Variants in PTPRM observed in about 807,000 individuals in gnomAD.
The protein encoded by PTPRM is protein tyrosine phosphatase receptor type M, also known as receptor-type tyrosine-protein phosphatase mu.
In PTPRM, 47 loss-of-function variants were observed where a neutral mutation model predicts 186.7. The observed-to-expected ratio is 0.25, with a 90% CI of 0.20 to 0.32. PTPRM has a LOEUF of 0.32. Ranked by LOEUF, PTPRM falls within the 10% of genes least tolerant of loss-of-function variation. The pLI is 1.00. For missense variants in PTPRM, 1,494 were observed against 1,865.0 expected (o/e 0.80, Z 3.66); for synonymous variants, 668 against 674.9 (o/e 0.99, Z 0.16).
intron 7 of PTPRM, among the ~76,000 whole-genome samples, chr18:7,991,332 A>T (rs760192439): frequency 1.3e-5 from 2 of 152,152 alleles, no homozygotes; most frequent in African/African-American, 2.4e-5. Flanking sequence ...CTTACCAGTA[A>T]TGTCAATGGA....
chr18:7,618,898 T>G (rs2143946623), intron 1 of PTPRM, among the ~76,000 whole-genome samples: 1 of 152,344 alleles, frequency 6.6e-6, no homozygotes, highest in African/African-American at 2.4e-5. Context: ...AATGAAGGCA[T>G]ATGTTTACCT....
chr18:7,815,641 C>G (rs923607992), intron 2 of PTPRM: 1 of 151,988 alleles, frequency 6.6e-6, no homozygotes, highest in Non-Finnish European at 1.5e-5. Flanking sequence ...AATGAGCATG[C>G]CTGTGAATAG....
At chr18:8,300,054 G>A (rs867742208) in intron 20 of PTPRM, among the ~76,000 whole-genome samples, 2 of 152,178 alleles carry the variant, frequency 1.3e-5, no homozygotes, top group South Asian at 2.1e-4. Context: ...TGTTGTCAGA[G>A]GCGGGATGGG....
At chr18:8,150,975 G>A (rs2092992814) in intron 14 of PTPRM, among the ~76,000 whole-genome samples, 1 of 152,142 alleles carries the variant, frequency 6.6e-6, no homozygotes, top group Non-Finnish European at 1.5e-5. Context: ...GACCAGCAAA[G>A]ATTGCTGCCT....
chr18:8,385,163 A>G (rs113032563), intron 30 of PTPRM, among the ~76,000 whole-genome samples: 1 of 152,204 alleles, frequency 6.6e-6, no homozygotes, highest in African/African-American at 2.4e-5. Context: ...TCAGATATCA[A>G]ACATGGTCAG....
At position 7,749,961 on chromosome 18, in the gene PTPRM, C is replaced by T. The variant is rs181419269; in HGVS notation, c.74-24188C>T. Among the ~76,000 whole-genome samples, 433 of 152,324 alleles carry T rather than the reference C, an allele frequency of 2.8e-3. 1 individual carries two copies. The highest frequency in any genetic ancestry group is 4.6e-3 in the Non-Finnish European group (316 of 68,032). ...GCAAATGGCTTAAGAGGCCTGCTGT[C>T]TACCATTATAATGACACATAACGTT... On this transcript the variant is annotated intron_variant, in intron 1 of 32. Transcript: ENST00000580170.
chr18:8,196,769 C>G (rs537047553), intron 14 of PTPRM, among the ~76,000 whole-genome samples: 2 of 152,328 alleles, frequency 1.3e-5, no homozygotes, highest in South Asian at 2.1e-4. Flanking sequence ...ATGTTCCTTA[C>G]TTCCCTTGTT....
At chr18:7,748,001 C>T (rs2041036291) in intron 1 of PTPRM, among the ~76,000 whole-genome samples, 1 of 152,196 alleles carries the variant, frequency 6.6e-6, no homozygotes, top group African/African-American at 2.4e-5. Flanking sequence ...AGAGGCTGCA[C>T]TACCCTCTTC....
chr18:8,342,113 A>G (rs1055182836), intron 22 of PTPRM, among the ~76,000 whole-genome samples: 9 of 152,210 alleles, frequency 5.9e-5, no homozygotes, highest in African/African-American at 2.2e-4. Flanking sequence ...AGGCCTGGAC[A>G]GGGAGGAAGG....
At chr18:7,996,902 A>G (rs987219989) in intron 7 of PTPRM, among the ~76,000 whole-genome samples, 2 of 152,150 alleles carry the variant, frequency 1.3e-5, no homozygotes, top group Admixed American at 6.6e-5. Flanking sequence ...CCAAAAATGA[A>G]AAGATATTAC....
intron 1 of PTPRM, among the ~76,000 whole-genome samples, chr18:7,588,397 T>G (rs1008414741): frequency 6.6e-6 from 1 of 152,172 alleles, no homozygotes; most frequent in Non-Finnish European, 1.5e-5. Context: ...TACTAACTTA[T>G]GAGGATTGAC....
Position 8,085,702 on chromosome 18 carries a change from C to T in PTPRM, c.1583C>T (p.Pro528Leu). 6.2e-7 allele frequency: 1 copy of T among 1,610,358 alleles called. No homozygotes were observed. The highest frequency in any genetic ancestry group is 1.3e-5 in the African/African-American group (1 of 74,906). The stretch of plus-strand genomic sequence containing the variant: ...TACAAAGCAGTCAGTTCCTTTGACC[C>T]AGAAATAGATTTATCCAATCAGAGT... ...ITYKAVSSFDPEIDLSNQSGR... is the reference protein window; with the variant it reads ...ITYKAVSSFDLEIDLSNQSGR... The change falls in exon 10 of 33, where the codon CCA becomes CTA. Residue 528 changes from proline (P) to leucine (L), a missense_variant. Pro to Leu is a moderately conservative substitution (Grantham distance 98, BLOSUM62 -3). Around this residue, in one of 3 missense-constraint regions of PTPRM, gnomAD observed 1,107 missense variants for 1,350.2 expected, o/e 0.82. Transcript: ENST00000580170.
chr18:7,837,217 T>G (rs1237624747), intron 2 of PTPRM, among the ~76,000 whole-genome samples: 2 of 152,164 alleles, frequency 1.3e-5, no homozygotes, highest in Non-Finnish European at 2.9e-5. Context: ...TTCTTTTGTT[T>G]CCTCTGACTG....
At chr18:7,983,363 A>G (rs2082662018) in intron 7 of PTPRM, among the ~76,000 whole-genome samples, 1 of 152,110 alleles carries the variant, frequency 6.6e-6, no homozygotes, top group Non-Finnish European at 1.5e-5. Flanking sequence ...CAACCTGGTT[A>G]GTGGGAAAAT....
At chr18:7,709,744 C>T (rs2040172270) in intron 1 of PTPRM, among the ~76,000 whole-genome samples, 1 of 151,980 alleles carries the variant, frequency 6.6e-6, no homozygotes, top group Non-Finnish European at 1.5e-5. Context: ...CACAGAAATG[C>T]AAAAGATCAT....
rs375891116 is a variant in PTPRM at position 7,958,121 on chromosome 18, G to C, written c.1132+2707G>C. Among the ~76,000 whole-genome samples the C allele has an allele frequency of 2.0e-5, 3 of 150,572 alleles. No homozygotes were observed. In the East Asian group the frequency reaches 5.9e-4, roughly 29 times the overall value. On this transcript the variant is annotated intron_variant, in intron 7 of 32. Transcript: ENST00000580170. Reference sequence around the variant, plus strand: ...GCAATATGTATGAAGAAGAGATTGAGGATTTGGCTTCAATGCAAATGAATC... The same window carrying C: ...GCAATATGTATGAAGAAGAGATTGACGATTTGGCTTCAATGCAAATGAATC...
intron 23 of PTPRM, among the ~76,000 whole-genome samples, chr18:8,354,114 G>A (rs2095550672): frequency 6.6e-6 from 1 of 152,202 alleles, no homozygotes; most frequent in South Asian, 2.1e-4. Flanking sequence ...TTGGGAGGCT[G>A]AGGCAGGAGA....
chr18:7,654,571 G>A (rs1181525877), intron 1 of PTPRM, among the ~76,000 whole-genome samples: 2 of 152,016 alleles, frequency 1.3e-5, no homozygotes, highest in Non-Finnish European at 2.9e-5. Flanking sequence ...GTCTTCCAGG[G>A]TTTTTATAGT....
At chr18:8,336,709 T>C (rs912627803) in intron 22 of PTPRM, among the ~76,000 whole-genome samples, 9 of 93,596 alleles carry the variant, frequency 9.6e-5, no homozygotes, top group African/African-American at 3.7e-4. Context: ...AAGGGAAAGG[T>C]AGGGTCACAC....
Sources: allele counts gnomAD v4.1 joint callset (sites outside exome capture counted in the v4.1 genomes callset), GRCh38; gene constraint gnomAD v4.1.1; regional missense constraint gnomAD v4.1.1; transcripts MANE v1.5; gene names NCBI Gene and HGNC (gene_info 2026-07-23, HGNC 2026-07-21).